The following FBXO32 variants were observed in gnomAD, a reference collection of about 807,000 sequenced individuals.
FBXO32 encodes the protein F-box protein 32.
Under a neutral mutation model 48.3 loss-of-function variants are expected in FBXO32, and 15 were observed. That is an observed-to-expected ratio of 0.31 (90% confidence interval 0.21 to 0.48). FBXO32 has a LOEUF of 0.48. Among genes scored for constraint, FBXO32 ranks in the 20% least tolerant of loss-of-function variants. FBXO32 has a pLI of 0.99. For synonymous variants in FBXO32, 154 were observed against 165.9 expected, an observed-to-expected ratio of 0.93 and a Z score of 0.55; for missense variants, 309 against 432.7, an observed-to-expected ratio of 0.71 and a Z score of 2.54.
At chr8:123,507,051 T>A (rs1816640723) in intron 6 of FBXO32, among the ~76,000 whole-genome samples, 1 of 152,052 alleles carries the variant, frequency 6.6e-6, no homozygotes, top group African/African-American at 2.4e-5. Flanking sequence ...TGCCTTCGCC[T>A]CCCCAGTCTT....
intron 4 of FBXO32, among the ~76,000 whole-genome samples, chr8:123,522,111 GA>G (rs1816967704): frequency 1.3e-5 from 2 of 152,056 alleles, no homozygotes; most frequent in African/African-American, 4.8e-5. Flanking sequence ...TTAACAGAGG[GA>G]GTTAAAATAA....
In FBXO32 at chr8:123,513,153, G is replaced by C. The variant is rs775539277; in HGVS notation, c.651+45C>G. 2 of 1,600,722 alleles carry C rather than the reference G, an allele frequency of 1.2e-6. No individual in the cohort carries two copies. Among genetic ancestry groups the C allele is most frequent in the Non-Finnish European group, 1.7e-6 (2 of 1,168,470 alleles). Reference sequence around the variant, plus strand: ...CTTGGCGAGTCTGTCCAGTATCCCTGTGGAGGGACCCACTGCCGGGAGGAG... The same window carrying C: ...CTTGGCGAGTCTGTCCAGTATCCCTCTGGAGGGACCCACTGCCGGGAGGAG... On this transcript the variant is annotated intron_variant, in intron 6 of 8. Transcript: ENST00000517956. The surrounding 1 kb of genome is among the most constrained non-coding windows in gnomAD (Gnocchi z 4.3).
In FBXO32 at chr8:123,501,365, AAAAAAAAAC is replaced by A. The variant is rs575950042; in HGVS notation, c.*1999_*2007del. 1.3e-3 allele frequency: 77 copies of A among 60,204 alleles called. No individual in the cohort carries two copies. The highest frequency in any genetic ancestry group is 3.0e-3 in the African/African-American group (70 of 23,392). The allele number at this position is 60,204 out of a possible 1,614,324, so 3.7% of individuals were successfully genotyped here. Reference sequence around the variant, plus strand: ...TTGGTTCAGGGGGAGAGGGATTGCAAAAAAAAAACAAAAAAAAACAAAACAAAACACACA... The same window carrying A: ...TTGGTTCAGGGGGAGAGGGATTGCAAAAAAAAAAACAAAACAAAACACACA... On this transcript the variant is annotated 3_prime_UTR_variant, in exon 9 of 9. Transcript: ENST00000517956.
chr8:123,513,048 C>T lies in FBXO32; in HGVS notation c.651+150G>A, dbSNP rs1431374841. On this transcript the variant is annotated intron_variant, in intron 6 of 8. Transcript: ENST00000517956. This position sits in a 1 kb window ranked among gnomAD's most constrained non-coding sequence, Gnocchi z 4.3. ...CCCACTTCCCTTTATCAGGAGGTCC[C>T]CCAGCCCACCCTCAGCACCAGAACA... The T allele has an allele frequency of 8.2e-6, 7 of 855,654 alleles. No homozygotes were observed. The highest frequency in any genetic ancestry group is 1.2e-5 in the Non-Finnish European group (7 of 571,192). The allele number at this position is 855,654 out of a possible 1,614,324, so 53.0% of individuals were successfully genotyped here. A position where few individuals can be genotyped will look rare whatever the true frequency, so the allele number is the denominator to read the frequency against.
chr8:123,503,225 C>T lies in FBXO32; in HGVS notation c.*148G>A. On this transcript the variant is annotated 3_prime_UTR_variant, in exon 9 of 9. Transcript: ENST00000517956. Reference sequence around the variant, plus strand: ...TCCCAGTCAGCAACTGCATTTCTCCCCTCCAATGTCCTCTCCATGACTTAT... The same window carrying T: ...TCCCAGTCAGCAACTGCATTTCTCCTCTCCAATGTCCTCTCCATGACTTAT... 1.9e-6 allele frequency: 1 copy of T among 531,878 alleles called. No homozygotes were observed. The highest frequency in any genetic ancestry group is 3.2e-5 in the East Asian group (1 of 30,776). 32.9% of individuals were successfully genotyped at this position (531,878 alleles called of 1,614,324 possible). A position where few individuals can be genotyped will look rare whatever the true frequency, so the allele number is the denominator to read the frequency against.
intron 8 of FBXO32, 98 bp from the exon 9 acceptor site, chr8:123,503,560 G>T: frequency 1.2e-6 from 1 of 820,040 alleles, no homozygotes; most frequent in Non-Finnish European, 2.0e-6. Context: ...ACAATTCTCT[G>T]TCAATAATGC....
intron 3 of FBXO32, chr8:123,532,273 T>G: frequency 1.1e-6 from 1 of 929,604 alleles, no homozygotes. Flanking sequence ...TTCCACATAT[T>G]AGTCTGGAAA....
chr8:123,514,193 C>T, intron 5 of FBXO32, 47 bp downstream of exon 5: 2 of 1,426,982 alleles, frequency 1.4e-6, no homozygotes, highest in African/African-American at 1.4e-5. Flanking sequence ...TCCATCTGCC[C>T]ACCTCCATGC....
chr8:123,528,385 G>C (rs748669188), intron 4 of FBXO32, among the ~76,000 whole-genome samples: 1 of 152,186 alleles, frequency 6.6e-6, no homozygotes. Context: ...GACTGGCTTG[G>C]CCTCTGGAAT....
intron 4 of FBXO32, among the ~76,000 whole-genome samples, chr8:123,528,052 G>T (rs1475340399): frequency 6.6e-6 from 1 of 152,190 alleles, no homozygotes; most frequent in Non-Finnish European, 1.5e-5. Flanking sequence ...TTCTGAGCTG[G>T]TCTGTAAACT....
Position 123,540,821 on chromosome 8 carries a change from C to T in FBXO32, c.116+78G>A. 1 of 1,236,090 alleles carries T rather than the reference C, an allele frequency of 8.1e-7. No individual in the cohort carries two copies. The highest frequency in any genetic ancestry group is 1.2e-6 in the Non-Finnish European group (1 of 864,398). The allele number at this position is 1,236,090 out of a possible 1,614,324, so 76.6% of individuals were successfully genotyped here. On this transcript the variant is annotated intron_variant, in intron 1 of 8. Coordinates refer to ENST00000517956, the MANE Select transcript of FBXO32 (RefSeq NM_058229.4). The surrounding 1 kb of genome is among the most constrained non-coding windows in gnomAD (Gnocchi z 6.4). Reference sequence around the variant, plus strand: ...GCCCGCTCCAGCCCTGCCTGCCCCTCATTCGCCGTCCCTGCGCCCCCCAGA... The same window carrying T: ...GCCCGCTCCAGCCCTGCCTGCCCCTTATTCGCCGTCCCTGCGCCCCCCAGA...
At position 123,539,860 on chromosome 8, in the gene FBXO32, A is replaced by G. The variant is rs1231370438; in HGVS notation, c.116+1039T>C. Among the ~76,000 whole-genome samples, 3 of 152,206 alleles carry G rather than the reference A, an allele frequency of 2.0e-5. No homozygotes were observed. The East Asian group carries it at 5.8e-4, about 29-fold the overall frequency. On this transcript the variant is annotated intron_variant, in intron 1 of 8. Coordinates refer to ENST00000517956, the MANE Select transcript of FBXO32 (RefSeq NM_058229.4). ...GGTTTTAACCAAAGGTGGCAGGAAA[A>G]GGCTCCCAAGGGTGACTCTGGCTGC...
intron 1 of FBXO32, among the ~76,000 whole-genome samples, chr8:123,538,330 C>T (rs771918992): frequency 2.6e-5 from 4 of 152,128 alleles, no homozygotes; most frequent in Non-Finnish European, 5.9e-5. Flanking sequence ...ATCCCGGGCT[C>T]TTGTTTGGGC....
Position 123,502,605 on chromosome 8 carries a change from T to C in FBXO32, c.*768A>G, listed in dbSNP as rs1363308204. 6.6e-6 allele frequency: 1 copy of C among 152,246 alleles called. No homozygotes were observed. Among genetic ancestry groups the C allele is most frequent in the African/African-American group, 2.4e-5 (1 of 41,460 alleles). 9.4% of individuals were successfully genotyped at this position (152,246 alleles called of 1,614,324 possible). On this transcript the variant is annotated 3_prime_UTR_variant, in exon 9 of 9. Coordinates refer to ENST00000517956, the MANE Select transcript of FBXO32 (RefSeq NM_058229.4). ...ACAACATGACAGGAAAAAAGGAACA[T>C]GTGCTTTTGGGTTGTTCTGGTGAAC...
chr8:123,501,373 A>ACAAAAAAAAC lies in FBXO32; in HGVS notation c.*1999_*2000insGTTTTTTTTG, dbSNP rs1816481567. On this transcript the variant is annotated 3_prime_UTR_variant, in exon 9 of 9. Transcript: ENST00000517956. ...GGGGGAGAGGGATTGCAAAAAAAAA[A>ACAAAAAAAAC]CAAAAAAAAACAAAACAAAACACAC... The ACAAAAAAAAC allele has an allele frequency of 2.6e-5, 4 of 151,422 alleles. No homozygotes were observed. Among genetic ancestry groups the ACAAAAAAAAC allele is most frequent in the Admixed American group, 1.3e-4 (2 of 15,172 alleles). The allele number at this position is 151,422 out of a possible 1,614,324, so 9.4% of individuals were successfully genotyped here. A position where few individuals can be genotyped will look rare whatever the true frequency, so the allele number is the denominator to read the frequency against.
chr8:123,513,510 T>C lies in FBXO32; in HGVS notation c.467-128A>G, dbSNP rs989995513. The C allele has an allele frequency of 8.9e-6, 7 of 788,764 alleles. No homozygotes were observed. The highest frequency in any genetic ancestry group is 1.4e-5 in the Non-Finnish European group (7 of 503,774). 48.9% of individuals were successfully genotyped at this position (788,764 alleles called of 1,614,324 possible). ...CACTGCCTCTGGGGATATGGTTTTC[T>C]TCCTCACCAGTGTTTATTGTACGCT... On this transcript the variant is annotated intron_variant, in intron 5 of 8. Coordinates refer to ENST00000517956, the MANE Select transcript of FBXO32 (RefSeq NM_058229.4). The surrounding 1 kb of genome is among the most constrained non-coding windows in gnomAD (Gnocchi z 4.3).
intron 4 of FBXO32, among the ~76,000 whole-genome samples, chr8:123,520,023 G>C (rs990654382): frequency 2.0e-4 from 31 of 152,160 alleles, no homozygotes; most frequent in African/African-American, 7.0e-4. Flanking sequence ...CCTGACCTCA[G>C]GTGATCTGCC....
intron 4 of FBXO32, among the ~76,000 whole-genome samples, chr8:123,517,410 A>G (rs1816860522): frequency 6.6e-6 from 1 of 152,160 alleles, no homozygotes; most frequent in Non-Finnish European, 1.5e-5. Context: ...AAATTTGTCA[A>G]CTGACAGCAT....
At chr8:123,517,050 G>C (rs189101895) in intron 4 of FBXO32, among the ~76,000 whole-genome samples, 12 of 152,204 alleles carry the variant, frequency 7.9e-5, no homozygotes, top group East Asian at 5.8e-4. Flanking sequence ...CCAAGATGAT[G>C]GTCTATTAAT....
Sources: gnomAD v4.1 joint callset for allele counts (sites outside exome capture counted in the v4.1 genomes callset) on GRCh38, gnomAD v4.1.1 for gene constraint, Gnocchi (gnomAD v3.1) non-coding constraint, MANE v1.5 for transcripts, NCBI Gene and HGNC (gene_info 2026-07-23, HGNC 2026-07-21) for gene names.